The following BIRC6 variants were observed in gnomAD, a reference collection of about 807,000 sequenced individuals.
BIRC6 encodes baculoviral IAP repeat containing 6.
In BIRC6, 98 loss-of-function variants were observed where a neutral mutation model predicts 503.3. The ratio of observed to expected loss-of-function variants is 0.19; its 90% CI spans 0.17 to 0.23. The LOEUF (loss-of-function observed/expected upper bound fraction) is 0.23. Ranked by LOEUF, BIRC6 falls within the 10% of genes least tolerant of loss-of-function variation. The pLI, the probability that BIRC6 is intolerant of heterozygous loss-of-function variation, is 1.00. For synonymous variants in BIRC6, 2,240 were observed against 2,078.7 expected, an observed-to-expected ratio of 1.08 and a Z score of -2.11; for missense variants, 5,360 against 5,806.0, an observed-to-expected ratio of 0.92 and a Z score of 2.50.
At chr2:32,579,317 A>G (rs1445666910) in intron 66 of BIRC6, among the ~76,000 whole-genome samples, 2 of 151,924 alleles carry the variant, frequency 1.3e-5, no homozygotes. Context: ...CCTAAACCCA[A>G]TTAATTTTGA....
intron 30 of BIRC6, 23 bp from the exon 31 acceptor site, chr2:32,470,145 T>G: frequency 6.8e-7 from 1 of 1,463,940 alleles, no homozygotes; most frequent in East Asian, 2.5e-5. Context: ...TATTCTTTTC[T>G]TTTTTGTTTG....
chr2:32,614,607 C>T (rs1421516171), intron 73 of BIRC6, among the ~76,000 whole-genome samples: 1 of 152,182 alleles, frequency 6.6e-6, no homozygotes, highest in South Asian at 2.1e-4. Context: ...GCGGGCAGAT[C>T]ACTTGTGGTC....
intron 61 of BIRC6, among the ~76,000 whole-genome samples, chr2:32,536,641 C>T (rs1165028192): frequency 1.3e-5 from 2 of 152,084 alleles, no homozygotes; most frequent in Non-Finnish European, 2.9e-5. Context: ...TTTCTGAGGG[C>T]TCTGTTCTGT....
At chr2:32,386,532 G>A (rs1287184491) in intron 3 of BIRC6, among the ~76,000 whole-genome samples, 1 of 150,426 alleles carries the variant, frequency 6.6e-6, no homozygotes, top group African/African-American at 2.5e-5. Flanking sequence ...TAGCCTTGCC[G>A]TCCTGGGCTC....
chr2:32,514,846 T>A, intron 54 of BIRC6, 144 bp from the exon 55 acceptor site: 1 of 632,556 alleles, frequency 1.6e-6, no homozygotes, highest in South Asian at 2.1e-5. Flanking sequence ...ATATATGCAG[T>A]CTTAAATCTT....
intron 66 of BIRC6, among the ~76,000 whole-genome samples, chr2:32,588,425 T>C (rs1257096493): frequency 6.6e-6 from 1 of 152,188 alleles, no homozygotes; most frequent in Non-Finnish European, 1.5e-5. Flanking sequence ...CTACTGTCTT[T>C]TCAAGATGAT....
At chr2:32,605,254 A>T (rs1016877567) in intron 71 of BIRC6, among the ~76,000 whole-genome samples, 2 of 152,076 alleles carry the variant, frequency 1.3e-5, no homozygotes, top group Non-Finnish European at 2.9e-5. Flanking sequence ...CGTCTGCAAA[A>T]TATTTTATGC....
intron 16 of BIRC6, among the ~76,000 whole-genome samples, chr2:32,440,127 C>T (rs1309368840): frequency 1.3e-5 from 2 of 152,202 alleles, no homozygotes; most frequent in African/African-American, 4.8e-5. Context: ...ATCTGCCCAC[C>T]TTGGCCTCTC....
At chr2:32,573,637 G>C (rs1416780536) in intron 65 of BIRC6, among the ~76,000 whole-genome samples, 1 of 152,134 alleles carries the variant, frequency 6.6e-6, no homozygotes, top group African/African-American at 2.4e-5. Flanking sequence ...AGCCTTAGAA[G>C]CAACGTGTGT....
intron 39 of BIRC6, among the ~76,000 whole-genome samples, chr2:32,485,002 A>G (rs2050833972): frequency 6.6e-6 from 1 of 152,242 alleles, no homozygotes; most frequent in Admixed American, 6.5e-5. Flanking sequence ...CTGGCAAAAC[A>G]TGATAGCCCA....
intron 55 of BIRC6, among the ~76,000 whole-genome samples, chr2:32,517,583 G>T (rs2055188514): frequency 6.6e-6 from 1 of 151,954 alleles, no homozygotes; most frequent in South Asian, 2.1e-4. Flanking sequence ...ATACATTTTG[G>T]GGGTGAGGTG....
rs913796670 is a variant in BIRC6, at chr2:32,520,342, G to A, written c.11623+1396G>A. Among the ~76,000 whole-genome samples the A allele has an allele frequency of 3.4e-4, 52 of 152,130 alleles. 1 individual carries two copies. Among genetic ancestry groups the A allele is most frequent in the Admixed American group, 2.6e-3 (40 of 15,288 alleles). ...CATAAAATCGTAATTCTTTCCTACC[G>A]TTTTACAACTTATACAATAGGTTGT... On this transcript the variant is annotated intron_variant, in intron 57 of 73. Coordinates refer to ENST00000421745, the MANE Select transcript of BIRC6 (RefSeq NM_016252.4).
intron 1 of BIRC6, among the ~76,000 whole-genome samples, chr2:32,366,889 G>C (rs1336295952): frequency 6.6e-6 from 1 of 152,154 alleles, no homozygotes; most frequent in African/African-American, 2.4e-5. Flanking sequence ...GGCTGAAGCA[G>C]GAGTATCACT....
chr2:32,500,410 C>CGTGG (rs1558901440), intron 46 of BIRC6, among the ~76,000 whole-genome samples: 7 of 143,196 alleles, frequency 4.9e-5, no homozygotes, highest in Non-Finnish European at 1.1e-4. Flanking sequence ...CCTGCCACCA[C>CGTGG]ACCCAGCTAA....
intron 21 of BIRC6, among the ~76,000 whole-genome samples, chr2:32,447,633 C>T (rs560125486): frequency 1.4e-5 from 1 of 73,340 alleles, no homozygotes; most frequent in African/African-American, 5.6e-5. Context: ...TCCCGGACGG[C>T]GCGGCTGGCC....
chr2:32,434,899 T>G (rs1574180948), intron 13 of BIRC6, among the ~76,000 whole-genome samples: 1 of 152,150 alleles, frequency 6.6e-6, no homozygotes, highest in African/African-American at 2.4e-5. Context: ...CACATTGTAT[T>G]AGGTTTTATT....
At position 32,518,730 on chromosome 2, in the gene BIRC6, T is replaced by C. The variant is rs2055330920; in HGVS notation, c.11494-87T>C. ...TATCTTGTAGGATTTATTGAGTATT[T>C]TATTCTTAGATGCTTTTGAGATTAT... On this transcript the variant is annotated intron_variant, in intron 56 of 73. Transcript: ENST00000421745. The C allele has an allele frequency of 2.1e-6, 3 of 1,417,048 alleles. No individual in the cohort carries two copies. The South Asian group carries it at 3.9e-5, about 18-fold the overall frequency. The allele number at this position is 1,417,048 out of a possible 1,614,324, so 87.8% of individuals were successfully genotyped here. A position where few individuals can be genotyped will look rare whatever the true frequency, so the allele number is the denominator to read the frequency against.
At chr2:32,535,497 C>G (rs1055984712) in intron 61 of BIRC6, among the ~76,000 whole-genome samples, 1 of 152,078 alleles carries the variant, frequency 6.6e-6, no homozygotes, top group African/African-American at 2.4e-5. Context: ...TGTTCCCCTT[C>G]CCTGTGTCCA....
chr2:32,499,675 T>C lies in BIRC6; in HGVS notation c.8597T>C (p.Leu2866Ser). 6.2e-7 allele frequency: 1 copy of C among 1,613,988 alleles called. No individual in the cohort carries two copies. Among genetic ancestry groups the C allele is most frequent in the Non-Finnish European group, 8.5e-7 (1 of 1,179,868 alleles). ...GCCGTGATAGAATCGGTTACATTTTTAGTGCACCACTATATCACTTGCTCA... is the reference window on the plus strand; with the variant it reads ...GCCGTGATAGAATCGGTTACATTTTCAGTGCACCACTATATCACTTGCTCA... The part of the protein sequence containing the change: ...ISAVIESVTF[L>S]VHHYITCSDK... The change falls in exon 46 of 74, where the codon TTA (leucine) becomes TCA (serine). Residue 2866 changes from leucine (L) to serine (S), a missense_variant. Around this residue, in one of 16 missense-constraint regions of BIRC6, gnomAD observed 2,299 missense variants for 2,267.2 expected, o/e 1.01. Transcript: ENST00000421745.
Sources: gnomAD v4.1 joint callset for allele counts (sites outside exome capture counted in the v4.1 genomes callset) on GRCh38, gnomAD v4.1.1 for gene constraint, gnomAD v4.1.1 regional missense constraint, MANE v1.5 for transcripts, NCBI Gene and HGNC (gene_info 2026-07-23, HGNC 2026-07-21) for gene names.